The following FCER1G variants were observed in gnomAD, a reference collection of about 807,000 sequenced individuals.
FCER1G encodes the protein Fc epsilon receptor Ig.
In FCER1G, 7 loss-of-function variants were observed where a neutral mutation model predicts 17.3. That is an observed-to-expected ratio of 0.40 (90% CI 0.23 to 0.76). The LOEUF is 0.76. FCER1G is among the 30% of genes least tolerant of loss of function. The probability of loss-of-function intolerance (pLI) is 0.35; values close to 1 mark genes in which losing one functional copy is unlikely to be tolerated. For missense variants in FCER1G, 87 were observed against 97.7 expected (o/e 0.89, Z 0.46); for synonymous variants, 35 against 38.7 (o/e 0.90, Z 0.35).
intron 1 of FCER1G, among the ~76,000 whole-genome samples, chr1:161,216,516 A>G (rs1388328869): frequency 6.6e-6 from 1 of 151,936 alleles, no homozygotes; most frequent in Non-Finnish European, 1.5e-5. Context: ...TAGCCAAGAC[A>G]AACAGACGGG....
Position 161,218,978 on chromosome 1 carries a change from T to G in FCER1G, c.*35T>G, listed in dbSNP as rs1312769529. 1 of 1,555,444 alleles carries G rather than the reference T, an allele frequency of 6.4e-7. No individual in the cohort carries two copies. The highest frequency in any genetic ancestry group is 8.9e-7 in the Non-Finnish European group (1 of 1,126,598). Reference sequence around the variant, plus strand: ...AGATGCGGTCATATTCTTCTTTGGCTTCTGGTTCTTCCAGCCCTCATGGTT... The same window carrying G: ...AGATGCGGTCATATTCTTCTTTGGCGTCTGGTTCTTCCAGCCCTCATGGTT... On this transcript the variant is annotated 3_prime_UTR_variant, in exon 5 of 5. Coordinates refer to ENST00000289902, the MANE Select transcript of FCER1G (RefSeq NM_004106.2).
intron 1 of FCER1G, among the ~76,000 whole-genome samples, chr1:161,216,371 CACACAT>C (rs1379336905): frequency 1.4e-4 from 19 of 135,888 alleles, no homozygotes; most frequent in African/African-American, 4.2e-4. Context: ...TACACACACA[CACACAT>C]ACACACACAC....
intron 1 of FCER1G, among the ~76,000 whole-genome samples, chr1:161,215,724 C>T (rs1666023429): frequency 6.6e-6 from 1 of 152,046 alleles, no homozygotes; most frequent in Admixed American, 6.5e-5. Flanking sequence ...TCCCGAGTAG[C>T]TGGGACTACA....
At chr1:161,218,605 T>C (rs2102065330) in intron 3 of FCER1G, 98 bp from the exon 4 acceptor site, 1 of 1,306,372 alleles carries the variant, frequency 7.7e-7, no homozygotes, top group African/African-American at 1.4e-5. Flanking sequence ...CCAAGGTGGC[T>C]GGCTGCCCAC....
At chr1:161,216,411 C>CACACACACACACACATAT (rs1491150470) in intron 1 of FCER1G, among the ~76,000 whole-genome samples, 1 of 129,752 alleles carries the variant, frequency 7.7e-6, no homozygotes, top group Non-Finnish European at 1.6e-5. Context: ...CACACACACA[C>CACACACACACACACATAT]ATATATATAT....
At chr1:161,217,895 TC>T in intron 1 of FCER1G, 90 bp from the exon 2 acceptor site, 1 of 873,376 alleles carries the variant, frequency 1.1e-6, no homozygotes, top group Non-Finnish European at 1.9e-6. Context: ...CCAGGCCCTG[TC>T]CTACCTCCCA....
chr1:161,217,361 T>C (rs1012544504), intron 1 of FCER1G, among the ~76,000 whole-genome samples: 2 of 151,084 alleles, frequency 1.3e-5, no homozygotes, highest in Non-Finnish European at 2.9e-5. Flanking sequence ...AAGGTATCTG[T>C]AAGGTCTGGG....
chr1:161,218,138 G>A, intron 2 of FCER1G, 61 bp downstream of exon 2: 7 of 1,536,710 alleles, frequency 4.6e-6, no homozygotes, highest in Non-Finnish European at 6.3e-6. Context: ...GCAGCAGCAA[G>A]GATTCGAAGA....
At position 161,219,141 on chromosome 1, in the gene FCER1G, T is replaced by C. The variant is rs376620017; in HGVS notation, c.*198T>C. On this transcript the variant is annotated 3_prime_UTR_variant, in exon 5 of 5. Coordinates refer to ENST00000289902, the MANE Select transcript of FCER1G (RefSeq NM_004106.2). ...CTCAGATGCTGTTTACGGATATTTA[T>C]ATTCTAGTCTCACTCTCTTGTCCCA... 5.1e-6 allele frequency: 3 copies of C among 586,816 alleles called. No homozygotes were observed. Among genetic ancestry groups the C allele is most frequent in the East Asian group, 5.7e-5 (2 of 35,234 alleles). The allele number at this position is 586,816 out of a possible 1,614,324, so 36.4% of individuals were successfully genotyped here.
At chr1:161,215,894 T>C (rs1222018535) in intron 1 of FCER1G, among the ~76,000 whole-genome samples, 1 of 151,722 alleles carries the variant, frequency 6.6e-6, no homozygotes, top group Non-Finnish European at 1.5e-5. Context: ...ACCCAGCTAT[T>C]ATTATTATTA....
At chr1:161,218,768 GTGGGATTTTGAGCGATCTT>G (rs1256629596) in intron 4 of FCER1G, 45 bp downstream of exon 4, 1 of 1,611,476 alleles carries the variant, frequency 6.2e-7, no homozygotes, top group African/African-American at 1.3e-5. Context: ...GCAGAAGAGG[GTGGGATTTTGAGCGATCTT>G]TGGAAGGCCG....
chr1:161,218,347 T>C, intron 3 of FCER1G, 71 bp downstream of exon 3: 1 of 1,344,840 alleles, frequency 7.4e-7, no homozygotes, highest in Non-Finnish European at 1.1e-6. Flanking sequence ...CTAGCCTGGG[T>C]TTCCGGGCCT....
chr1:161,217,939 A>G, intron 1 of FCER1G, 47 bp from the exon 2 acceptor site: 1 of 1,291,352 alleles, frequency 7.7e-7, no homozygotes, highest in Non-Finnish European at 1.1e-6. Context: ...TGAGTACCAG[A>G]TCCTCCCTGA....
Position 161,215,304 on chromosome 1 carries a change from G to T in FCER1G, c.-18G>T. 6.2e-7 allele frequency: 1 copy of T among 1,613,354 alleles called. No homozygotes were observed. On this transcript the variant is annotated 5_prime_UTR_variant, in exon 1 of 5. Transcript: ENST00000289902. Reference sequence around the variant, plus strand: ...ACAGCTGCACAGTGCTGTCAGAACGGCCGATCTCCAGCCCAAGATGATTCC... The same window carrying T: ...ACAGCTGCACAGTGCTGTCAGAACGTCCGATCTCCAGCCCAAGATGATTCC...
chr1:161,218,551 A>G (rs1272246599), intron 3 of FCER1G, 152 bp from the exon 4 acceptor site: 8 of 771,376 alleles, frequency 1.0e-5, no homozygotes, highest in Non-Finnish European at 1.4e-5. Flanking sequence ...ATGTGGGCAA[A>G]CAGGTATCCA....
chr1:161,216,572 GTT>G (rs1056365061), intron 1 of FCER1G, among the ~76,000 whole-genome samples: 6 of 152,156 alleles, frequency 3.9e-5, no homozygotes, highest in African/African-American at 1.4e-4. Flanking sequence ...TCTGTCAGCA[GTT>G]GATAATGAGG....
chr1:161,218,055 CCCT>C lies in FCER1G; in HGVS notation c.124_126del (p.Leu42del). 1.9e-6 allele frequency: 3 copies of C among 1,613,738 alleles called. No homozygotes were observed. Among genetic ancestry groups the C allele is most frequent in the Non-Finnish European group, 2.5e-6 (3 of 1,179,686 alleles). On this transcript the variant is annotated inframe_deletion, in exon 2 of 5. Transcript: ENST00000289902. ...CTGTTTCTGTATGGAATTGTCCTCA[CCCT>C]CCTCTACTGTCGACTGAAGGTAGCG...
chr1:161,215,744 C>A (rs1357367810), intron 1 of FCER1G, among the ~76,000 whole-genome samples: 1 of 152,086 alleles, frequency 6.6e-6, no homozygotes, highest in East Asian at 1.9e-4. Context: ...AGGTGCCCGC[C>A]ACCACGCCCG....
intron 3 of FCER1G, 122 bp from the exon 4 acceptor site, chr1:161,218,581 G>A: frequency 1.1e-6 from 1 of 945,382 alleles, no homozygotes; most frequent in Non-Finnish European, 1.7e-6. Context: ...GTGTCCATGT[G>A]AGTGCCCTCT....
Sources: allele counts gnomAD v4.1 joint callset (sites outside exome capture counted in the v4.1 genomes callset), GRCh38; gene constraint gnomAD v4.1.1; transcripts MANE v1.5; gene names NCBI Gene and HGNC (gene_info 2026-07-23, HGNC 2026-07-21).